UGGT1: variants seen among roughly 807,000 people sequenced by gnomAD.
UGGT1 encodes the protein UDP-glucose:glycoprotein glucosyltransferase 1.
Under a neutral mutation model 203.9 loss-of-function variants are expected in UGGT1, and 107 were observed. The observed-to-expected ratio is 0.52, with a 90% CI of 0.45 to 0.62. UGGT1 has a LOEUF of 0.62. Among genes scored for constraint, UGGT1 ranks in the 20% least tolerant of loss-of-function variants. UGGT1 has a pLI of 0.00. For missense variants in UGGT1, 1,673 were observed against 1,867.2 expected, an observed-to-expected ratio of 0.90 and a Z score of 1.92; for synonymous variants, 628 against 653.5, an observed-to-expected ratio of 0.96 and a Z score of 0.59.
chr2:128,166,031 G>C (rs919239590), intron 26 of UGGT1, among the ~76,000 whole-genome samples: 2 of 152,152 alleles, frequency 1.3e-5, no homozygotes, highest in African/African-American at 4.8e-5. Context: ...CAAGGTGCTT[G>C]GCCGAAAACT....
chr2:128,169,871 A>G (rs1391671789), intron 26 of UGGT1, among the ~76,000 whole-genome samples: 2 of 152,168 alleles, frequency 1.3e-5, no homozygotes, highest in Admixed American at 1.3e-4. Context: ...GATAGTGAAT[A>G]TTTTGTGATT....
At chr2:128,095,292 CGTT>C (rs1687058856) in intron 1 of UGGT1, among the ~76,000 whole-genome samples, 1 of 151,990 alleles carries the variant, frequency 6.6e-6, no homozygotes, top group African/African-American at 2.4e-5. Flanking sequence ...TTTTTACAAA[CGTT>C]GATTTTGAAA....
chr2:128,142,615 C>T (rs1399758497), intron 16 of UGGT1, among the ~76,000 whole-genome samples: 4 of 149,342 alleles, frequency 2.7e-5, no homozygotes, highest in African/African-American at 9.8e-5. Context: ...TATTTAATTT[C>T]CAACCTAGGA....
At chr2:128,154,461 C>T (rs1690131136) in intron 19 of UGGT1, among the ~76,000 whole-genome samples, 1 of 152,178 alleles carries the variant, frequency 6.6e-6, no homozygotes, top group Non-Finnish European at 1.5e-5. Context: ...CTCTGGCATC[C>T]TCTTGACCTG....
chr2:128,109,480 C>T (rs1687752551), intron 4 of UGGT1, among the ~76,000 whole-genome samples, 154 bp from the exon 5 acceptor site: 1 of 151,940 alleles, frequency 6.6e-6, no homozygotes, highest in Non-Finnish European at 1.5e-5. Context: ...CTCTGGTCTC[C>T]CAAAGTGCTG....
chr2:128,164,081 A>C (rs1690661526), intron 25 of UGGT1, among the ~76,000 whole-genome samples: 1 of 152,140 alleles, frequency 6.6e-6, no homozygotes, highest in Non-Finnish European at 1.5e-5. Context: ...CGGGAGGCTG[A>C]GGTGGGAGAA....
chr2:128,170,530 C>T, intron 27 of UGGT1, 140 bp downstream of exon 27: 1 of 666,916 alleles, frequency 1.5e-6, no homozygotes, highest in East Asian at 2.8e-5. Context: ...GCAGAGCAAT[C>T]TTTACAAAGA....
intron 40 of UGGT1, 33 bp downstream of exon 40, chr2:128,187,647 T>G (rs986108240): frequency 6.4e-7 from 1 of 1,553,950 alleles, no homozygotes; most frequent in Non-Finnish European, 8.7e-7. Flanking sequence ...AGGACAGTAC[T>G]TCTTTCCATT....
At chr2:128,168,045 T>G (rs1301780902) in intron 26 of UGGT1, among the ~76,000 whole-genome samples, 1 of 152,074 alleles carries the variant, frequency 6.6e-6, no homozygotes, top group African/African-American at 2.4e-5. Context: ...TTCTAATGAG[T>G]TTTTCCTTCT....
chr2:128,138,507 CTCTG>C (rs916337342), intron 15 of UGGT1, among the ~76,000 whole-genome samples: 4 of 149,086 alleles, frequency 2.7e-5, no homozygotes, highest in African/African-American at 9.8e-5. Flanking sequence ...AAGAGTGAAA[CTCTG>C]TCTAAAAAAA....
intron 38 of UGGT1, among the ~76,000 whole-genome samples, chr2:128,185,178 C>A (rs930877395): frequency 6.6e-6 from 1 of 151,348 alleles, no homozygotes; most frequent in African/African-American, 2.4e-5. Flanking sequence ...AATGGTATCA[C>A]CCAACAGTAT....
chr2:128,185,888 T>C (rs1283029107), intron 38 of UGGT1, among the ~76,000 whole-genome samples: 3 of 152,104 alleles, frequency 2.0e-5, no homozygotes, highest in East Asian at 1.9e-4. Flanking sequence ...GAACATTTTA[T>C]TGTGGCAAAG....
intron 16 of UGGT1, among the ~76,000 whole-genome samples, chr2:128,139,324 G>A (rs1404588494): frequency 6.6e-6 from 1 of 152,132 alleles, no homozygotes; most frequent in Non-Finnish European, 1.5e-5. Flanking sequence ...AGGCTTAAGG[G>A]ATCCTCCCAT....
chr2:128,144,366 G>A lies in UGGT1; in HGVS notation c.1851+1141G>A, dbSNP rs1330442155. On this transcript the variant is annotated intron_variant, in intron 17 of 40. Coordinates refer to ENST00000259253, the MANE Select transcript of UGGT1 (RefSeq NM_020120.4). ...TTGGTCTTGTAAACTATTTCTGAGT[G>A]GTGAAAAAGGAAGCTACATAGTCCA... Among the ~76,000 whole-genome samples the A allele has an allele frequency of 2.0e-5, 3 of 152,118 alleles. No homozygotes were observed. The East Asian group carries it at 5.8e-4, about 29-fold the overall frequency.
intron 6 of UGGT1, among the ~76,000 whole-genome samples, chr2:128,114,555 G>A (rs1444138738): frequency 1.3e-5 from 2 of 152,126 alleles, no homozygotes; most frequent in Non-Finnish European, 2.9e-5. Context: ...ATGCTGGTGA[G>A]CCTGTGACAT....
chr2:128,141,592 G>A (rs765178146), intron 16 of UGGT1, among the ~76,000 whole-genome samples: 6 of 151,282 alleles, frequency 4.0e-5, no homozygotes, highest in Non-Finnish European at 7.4e-5. Flanking sequence ...GTGACGAAGC[G>A]AGACTCCATC....
At position 128,174,830 on chromosome 2, in the gene UGGT1, C is replaced by T. The variant is rs746621914; in HGVS notation, c.3511C>T (p.Arg1171Cys). ...GAWILRLRKG[R>C]SEDIYRIYSH... ...TTGGATCCTCAGACTTAGGAAGGGA[C>T]GCTCTGAAGATATTTATAGAATTTA... is the stretch of plus-strand genomic sequence containing the variant. The change falls in exon 31 of 41, where the codon CGC becomes TGC. Residue 1171 changes from arginine (R) to cysteine (C), a missense_variant. Physicochemically the swap from Arg to Cys is radical, Grantham distance 180. Around this residue, in one of 4 missense-constraint regions of UGGT1, gnomAD observed 513 missense variants for 684.1 expected, o/e 0.75. Transcript: ENST00000259253. The T allele has an allele frequency of 6.8e-6, 11 of 1,613,068 alleles. No individual in the cohort carries two copies. The highest frequency in any genetic ancestry group is 1.7e-5 in the Admixed American group (1 of 59,884).
Position 128,151,360 on chromosome 2 carries a change from C to G in UGGT1, c.2017-1424C>G, listed in dbSNP as rs536759330. The G allele has an allele frequency of 8.9e-6, 4 of 450,964 alleles. No individual in the cohort carries two copies. The East Asian group carries it at 1.8e-4, about 20-fold the overall frequency. The allele number at this position is 450,964 out of a possible 1,614,324, so 27.9% of individuals were successfully genotyped here. A position where few individuals can be genotyped will look rare whatever the true frequency, so the allele number is the denominator to read the frequency against. ...CCACGCCTTCCCCAGGCCCTGCAAC[C>G]CTACTTTTAAAATTTTTATAGACTT... On this transcript the variant is annotated intron_variant, in intron 18 of 40. Transcript: ENST00000259253.
At chr2:128,116,106 C>T (rs966303252) in intron 7 of UGGT1, among the ~76,000 whole-genome samples, 159 bp from the exon 8 acceptor site, 19 of 152,066 alleles carry the variant, frequency 1.2e-4, no homozygotes, top group African/African-American at 4.3e-4. Context: ...GAACCATTGC[C>T]AAAGGGTAAT....
Sources: allele counts gnomAD v4.1 joint callset (sites outside exome capture counted in the v4.1 genomes callset), GRCh38; gene constraint gnomAD v4.1.1; regional missense constraint gnomAD v4.1.1; transcripts MANE v1.5; gene names NCBI Gene and HGNC (gene_info 2026-07-23, HGNC 2026-07-21).